Variants in UBAC1 observed in about 807,000 individuals in gnomAD.
The protein encoded by UBAC1 is ubiquitin-associated domain-containing protein 1.
UBAC1 carries 27 observed loss-of-function variants against 45.9 expected under a neutral mutation model. The ratio of observed to expected loss-of-function variants is 0.59; its 90% confidence interval spans 0.43 to 0.81. The LOEUF is 0.81. Ranked by LOEUF, UBAC1 falls within the 30% of genes least tolerant of loss-of-function variation. The probability of loss-of-function intolerance (pLI) is 0.00; values close to 1 mark genes in which losing one functional copy is unlikely to be tolerated. For synonymous variants in UBAC1, 227 were observed against 215.5 expected, an observed-to-expected ratio of 1.05 and a Z score of -0.47; for missense variants, 529 against 539.2, an observed-to-expected ratio of 0.98 and a Z score of 0.19.
chr9:135,947,946 G>A, intron 3 of UBAC1, 41 bp from the exon 4 acceptor site: 2 of 1,574,932 alleles, frequency 1.3e-6, no homozygotes, highest in Non-Finnish European at 8.7e-7. Context: ...GTGAACGTAA[G>A]AGCAGCAAAA....
intron 8 of UBAC1, among the ~76,000 whole-genome samples, chr9:135,939,290 G>A (rs62582965): frequency 0.22 from 33,153 of 151,808 alleles, 3,840 homozygotes; most frequent in East Asian, 0.28. Context: ...CTAGAATTCC[G>A]TATTTTTAAA....
At chr9:135,938,018 G>C (rs368066357) in intron 9 of UBAC1, among the ~76,000 whole-genome samples, 1 of 152,096 alleles carries the variant, frequency 6.6e-6, no homozygotes, top group Non-Finnish European at 1.5e-5. Context: ...GTCACACCAC[G>C]ATCAGAACCT....
chr9:135,938,097 G>A (rs1839220592), intron 9 of UBAC1, 125 bp downstream of exon 9: 4 of 1,419,308 alleles, frequency 2.8e-6, no homozygotes, highest in Non-Finnish European at 3.8e-6. Flanking sequence ...GGCAGGACGT[G>A]CTGCCAGCGC....
In UBAC1 at chr9:135,955,306, A is replaced by G; in HGVS notation, c.248T>C (p.Ile83Thr). The change falls in exon 2 of 10, where the codon ATC becomes ACC. Residue 83 changes from isoleucine to threonine, a missense_variant. Ile to Thr is a moderately conservative substitution (Grantham distance 89). Transcript: ENST00000371756. ...CACAGCAGCCTTACCTTGGTCCTGG[A>G]TGTTCTCTTCCAGGATGGTCCTGGC... ...SDARTILEENIQDQDVLLLIK... is the reference protein window; with the variant it reads ...SDARTILEENTQDQDVLLLIK... 6.3e-7 allele frequency: 1 copy of G among 1,586,664 alleles called. No homozygotes were observed. The highest frequency in any genetic ancestry group is 1.2e-5 in the South Asian group (1 of 86,278).
intron 5 of UBAC1, 23 bp from the exon 6 acceptor site, chr9:135,946,020 T>G: frequency 6.2e-7 from 1 of 1,605,450 alleles, no homozygotes; most frequent in Non-Finnish European, 8.5e-7. Flanking sequence ...GACAGGGCCA[T>G]GAGGGCTCCA....
chr9:135,939,527 A>C (rs1286808916), intron 8 of UBAC1, 146 bp downstream of exon 8: 2 of 688,822 alleles, frequency 2.9e-6, no homozygotes, highest in African/African-American at 3.9e-5. Flanking sequence ...CACTCATCAC[A>C]GCCCCCACTC....
chr9:135,955,518 T>G, intron 1 of UBAC1, 103 bp from the exon 2 acceptor site: 1 of 1,257,652 alleles, frequency 8.0e-7, no homozygotes, highest in Non-Finnish European at 1.1e-6. Flanking sequence ...CTGGGTTTTC[T>G]TATGAGCTAA....
chr9:135,959,531 C>G (rs552306480), intron 1 of UBAC1, among the ~76,000 whole-genome samples: 18 of 152,076 alleles, frequency 1.2e-4, no homozygotes, highest in Non-Finnish European at 2.1e-4. Flanking sequence ...CACACCACCA[C>G]GCCCCGCTAA....
At chr9:135,946,651 G>C (rs1250054325) in intron 4 of UBAC1, among the ~76,000 whole-genome samples, 1 of 152,206 alleles carries the variant, frequency 6.6e-6, no homozygotes, top group Admixed American at 6.5e-5. Flanking sequence ...GAAACCGTCG[G>C]CCCAGCTGGC....
chr9:135,944,914 G>A (rs1209034701), intron 7 of UBAC1, 114 bp downstream of exon 7: 17 of 1,069,976 alleles, frequency 1.6e-5, no homozygotes, highest in Non-Finnish European at 2.1e-5. Flanking sequence ...TCTCTCCTGG[G>A]ACAGGAGCCA....
At chr9:135,938,123 G>A (rs1468055853) in intron 9 of UBAC1, 99 bp downstream of exon 9, 42 of 1,521,740 alleles carry the variant, frequency 2.8e-5, no homozygotes, top group South Asian at 7.5e-5. Flanking sequence ...GATCCTCAGC[G>A]CTGGATCCTC....
At chr9:135,942,849 GA>G (rs1564195888) in intron 7 of UBAC1, among the ~76,000 whole-genome samples, 1 of 152,150 alleles carries the variant, frequency 6.6e-6, no homozygotes, top group South Asian at 2.1e-4. Flanking sequence ...GGGAGGTAGG[GA>G]GTGGGAACTG....
intron 1 of UBAC1, among the ~76,000 whole-genome samples, chr9:135,956,606 GCACAGCACAGCACCGCACACCA>G (rs1387375769): frequency 1.3e-5 from 2 of 151,556 alleles, no homozygotes; most frequent in Non-Finnish European, 2.9e-5. Context: ...GCACACCACC[GCACAGCACAGCACCGCACACCA>G]CACCAAACAG....
chr9:135,960,991 G>A (rs1264119431), intron 1 of UBAC1, 34 bp downstream of exon 1: 1 of 1,491,514 alleles, frequency 6.7e-7, no homozygotes, highest in Non-Finnish European at 8.9e-7. Flanking sequence ...GTCCGGAGCG[G>A]GTGTTGGGGG....
rs55984832 is a variant in UBAC1 at position 135,947,778 on chromosome 9, C to T, written c.441+20G>A. The stretch of plus-strand genomic sequence containing the variant: ...CACGGGGACCCCATGCACCCGCCGC[C>T]GCTCTGGGCTGACACTCACGTCTCT... On this transcript the variant is annotated intron_variant, in intron 4 of 9. Transcript: ENST00000371756. The T allele has an allele frequency of 6.1e-3, 9,765 of 1,602,910 alleles. 42 individuals are homozygous for T. The highest frequency in any genetic ancestry group is 7.7e-3 in the Non-Finnish European group (9,057 of 1,174,270).
Position 135,938,301 on chromosome 9 carries a change from G to A in UBAC1, c.1023C>T (p.Asp341=). ...TGGCCTGAAAGAGAGGACTGTCGGG[G>A]TCGATGCCCTTGTCCAGCTCCTCCG... ...PSPEELDKGI[D]PDSPLFQAIL... The change falls in exon 9 of 10, where the codon GAC becomes GAT. Residue 341 remains aspartate (D), a synonymous_variant. Transcript: ENST00000371756. 9.3e-6 allele frequency: 15 copies of A among 1,614,182 alleles called. No homozygotes were observed. The highest frequency in any genetic ancestry group is 1.2e-5 in the Non-Finnish European group (14 of 1,180,038).
chr9:135,954,150 AAAAAAAG>A (rs1279465673), intron 2 of UBAC1, among the ~76,000 whole-genome samples: 1 of 149,950 alleles, frequency 6.7e-6, no homozygotes, highest in Non-Finnish European at 1.5e-5. Flanking sequence ...AAAAAAAAAA[AAAAAAAG>A]AAGAAGAGCA....
intron 8 of UBAC1, 27 bp downstream of exon 8, chr9:135,939,642 CCACA>C: frequency 6.2e-7 from 1 of 1,602,058 alleles, no homozygotes; most frequent in Non-Finnish European, 8.5e-7. Flanking sequence ...TCACCACAGC[CCACA>C]CTCACTCACC....
chr9:135,945,038 GCCC>G lies in UBAC1; in HGVS notation c.863_865del (p.Arg288_Ala289delinsPro). ...TCTAGTAACACATACCCGAGCATCA[GCCC>G]GAAACTCCCTTTTCCTCCGGATCTT... On this transcript the variant is annotated inframe_deletion, in exon 7 of 10. Coordinates refer to ENST00000371756, the MANE Select transcript of UBAC1 (RefSeq NM_016172.3). The G allele has an allele frequency of 1.2e-6, 2 of 1,613,686 alleles. No homozygotes were observed. Among genetic ancestry groups the G allele is most frequent in the Non-Finnish European group, 1.7e-6 (2 of 1,179,804 alleles).
Sources: allele counts gnomAD v4.1 joint callset (sites outside exome capture counted in the v4.1 genomes callset), GRCh38; gene constraint gnomAD v4.1.1; transcripts MANE v1.5; gene names NCBI Gene and HGNC (gene_info 2026-07-23, HGNC 2026-07-21).